Variants in SMAD5 observed in about 807,000 individuals in gnomAD.
SMAD5 encodes MAD, mothers against decapentaplegic homolog 5.
Under a neutral mutation model 43.1 loss-of-function variants are expected in SMAD5, and 9 were observed. The ratio of observed to expected loss-of-function variants is 0.21; its 90% CI spans 0.13 to 0.36. The LOEUF is 0.36. Among genes scored for constraint, SMAD5 ranks in the 10% least tolerant of loss-of-function variants. SMAD5 has a pLI of 1.00. For missense variants in SMAD5, 348 were observed against 574.0 expected, an observed-to-expected ratio of 0.61 and a Z score of 4.02; for synonymous variants, 190 against 192.4, an observed-to-expected ratio of 0.99 and a Z score of 0.10.
rs1174049192 is a variant in SMAD5 at position 136,172,678 on chromosome 5, T to C, written c.997+23T>C. On this transcript the variant is annotated intron_variant, in intron 6 of 7. Coordinates refer to ENST00000545279, the MANE Select transcript of SMAD5 (RefSeq NM_005903.7). The stretch of plus-strand genomic sequence containing the variant: ...AAGGTAATCTTGTCATTTTCCTACA[T>C]TTAATCGAATTCAATCATTTGTTGT... The C allele has an allele frequency of 4.2e-6, 6 of 1,420,530 alleles. No homozygotes were observed. The South Asian group carries it at 6.9e-5, about 16-fold the overall frequency. 88.0% of individuals were successfully genotyped at this position (1,420,530 alleles called of 1,614,324 possible). A position where few individuals can be genotyped will look rare whatever the true frequency, so the allele number is the denominator to read the frequency against.
intron 1 of SMAD5, among the ~76,000 whole-genome samples, chr5:136,137,862 A>G (rs1231535105): frequency 5.9e-5 from 9 of 152,238 alleles, no homozygotes. Flanking sequence ...CTGGGTGCAC[A>G]TGAGTTCTCT....
chr5:136,173,843 A>G (rs990751505), intron 6 of SMAD5, among the ~76,000 whole-genome samples: 4 of 151,630 alleles, frequency 2.6e-5, no homozygotes, highest in African/African-American at 9.7e-5. Flanking sequence ...CACATCTTGC[A>G]AAGGAACATA....
intron 1 of SMAD5, among the ~76,000 whole-genome samples, chr5:136,146,352 T>G (rs1158148545): frequency 6.6e-6 from 1 of 151,748 alleles, no homozygotes; most frequent in African/African-American, 2.4e-5. Flanking sequence ...CTGGAATAAG[T>G]GTAGAGGTGA....
intron 2 of SMAD5, among the ~76,000 whole-genome samples, chr5:136,149,341 G>A (rs1753372270): frequency 6.6e-6 from 1 of 151,744 alleles, no homozygotes; most frequent in Non-Finnish European, 1.5e-5. Context: ...ATATACCTAG[G>A]AATGGAATTT....
rs1240577368 is a variant in SMAD5, at chr5:136,163,388, A to G, written c.772A>G (p.Arg258Gly). 6.2e-7 allele frequency: 1 copy of G among 1,602,318 alleles called. No individual in the cohort carries two copies. The highest frequency in any genetic ancestry group is 1.3e-5 in the African/African-American group (1 of 74,618). The change falls in exon 5 of 8, where the codon AGG (arginine) becomes GGG (glycine). Residue 258 changes from arginine to glycine, a missense_variant. By Grantham distance (125) the Arg-to-Gly change is moderately radical. Around this residue, in one of 5 missense-constraint regions of SMAD5, gnomAD observed 185 missense variants for 207.0 expected, o/e 0.89. Coordinates refer to ENST00000545279, the MANE Select transcript of SMAD5 (RefSeq NM_005903.7). The part of the protein sequence containing the change: ...IPQIMPSISS[R>G]DVQPVAYEEP... Reference sequence around the variant, plus strand: ...TCAGATTATGCCCAGTATATCCAGCAGGGGTAAGAGAAGTACTCACTTCAT... The same window carrying G: ...TCAGATTATGCCCAGTATATCCAGCGGGGGTAAGAGAAGTACTCACTTCAT...
chr5:136,165,086 G>A (rs1753950354), intron 5 of SMAD5, among the ~76,000 whole-genome samples: 1 of 152,064 alleles, frequency 6.6e-6, no homozygotes, highest in African/African-American at 2.4e-5. Context: ...GATTGCTAAA[G>A]CTTTCCTATA....
intron 1 of SMAD5, among the ~76,000 whole-genome samples, chr5:136,142,820 A>T (rs543402064): frequency 6.6e-6 from 1 of 152,274 alleles, no homozygotes; most frequent in South Asian, 2.1e-4. Flanking sequence ...ATATAGGATA[A>T]AACTAAGTGA....
chr5:136,167,525 C>A (rs1162049613), intron 5 of SMAD5, among the ~76,000 whole-genome samples: 1 of 152,046 alleles, frequency 6.6e-6, no homozygotes, highest in Non-Finnish European at 1.5e-5. Context: ...CTCCTGTAAT[C>A]CCAGCACTTT....
rs540334497 is a variant in SMAD5, at chr5:136,178,707, A to G, written c.*1227A>G. The G allele has an allele frequency of 6.6e-6, 1 of 152,284 alleles. No individual in the cohort carries two copies. The highest frequency in any genetic ancestry group is 1.5e-5 in the Non-Finnish European group (1 of 68,028). The allele number at this position is 152,284 out of a possible 1,614,324, so 9.4% of individuals were successfully genotyped here. A position where few individuals can be genotyped will look rare whatever the true frequency, so the allele number is the denominator to read the frequency against. On this transcript the variant is annotated 3_prime_UTR_variant, in exon 8 of 8. Transcript: ENST00000545279. Reference sequence around the variant, plus strand: ...GGCTCTTCAGTTGGGCCCCAAGGATAAGGCTACTGATTTGATACTAAATGA... The same window carrying G: ...GGCTCTTCAGTTGGGCCCCAAGGATGAGGCTACTGATTTGATACTAAATGA...
Position 136,172,538 on chromosome 5 carries a change from G to C in SMAD5, c.880G>C (p.Val294Leu). The C allele has an allele frequency of 6.3e-7, 1 of 1,597,928 alleles. No homozygotes were observed. ...AGCTTTTCATGCATCTTCTACTAGT[G>C]TGTTAGTAGATGGATTCACAGATCC... ...GEAFHASSTS[V>L]LVDGFTDPSN... The change falls in exon 6 of 8, where the codon GTG becomes CTG. Residue 294 changes from valine (V) to leucine (L), a missense_variant. By Grantham distance (32) the Val-to-Leu change is conservative. This residue lies in a region of SMAD5 where 185 missense variants were observed against 207.0 expected (regional missense o/e 0.89). Coordinates refer to ENST00000545279, the MANE Select transcript of SMAD5 (RefSeq NM_005903.7).
chr5:136,175,369 T>G (rs1259039272), intron 7 of SMAD5, among the ~76,000 whole-genome samples: 1 of 152,230 alleles, frequency 6.6e-6, no homozygotes, highest in Non-Finnish European at 1.5e-5. Flanking sequence ...TTCATTAGGG[T>G]GACTTGGCAG....
intron 7 of SMAD5, among the ~76,000 whole-genome samples, chr5:136,174,866 TA>T (rs1754359677): frequency 6.6e-6 from 1 of 152,312 alleles, no homozygotes; most frequent in African/African-American, 2.4e-5. Flanking sequence ...TGATATTGAA[TA>T]GGGGCTGAGA....
intron 2 of SMAD5, 108 bp from the exon 3 acceptor site, chr5:136,153,484 A>G (rs1753534130): frequency 7.7e-6 from 2 of 260,410 alleles, no homozygotes; most frequent in Admixed American, 4.8e-5. Context: ...TTACTTTGTA[A>G]TGCTTTTCTG....
chr5:136,177,684 T>C lies in SMAD5; in HGVS notation c.*204T>C. Reference sequence around the variant, plus strand: ...TCATGTGATTAACTCTTAGAAGTGTTGTAAAAGATGCAGAGTAAGTATTAT... The same window carrying C: ...TCATGTGATTAACTCTTAGAAGTGTCGTAAAAGATGCAGAGTAAGTATTAT... On this transcript the variant is annotated 3_prime_UTR_variant, in exon 8 of 8. Coordinates refer to ENST00000545279, the MANE Select transcript of SMAD5 (RefSeq NM_005903.7). 3 of 467,482 alleles carry C rather than the reference T, an allele frequency of 6.4e-6. No individual in the cohort carries two copies. The highest frequency in any genetic ancestry group is 1.1e-5 in the Non-Finnish European group (3 of 267,928). 29.0% of individuals were successfully genotyped at this position (467,482 alleles called of 1,614,324 possible).
intron 4 of SMAD5, among the ~76,000 whole-genome samples, 196 bp downstream of exon 4, chr5:136,161,303 G>A (rs1017335645): frequency 6.6e-6 from 1 of 152,098 alleles, no homozygotes; most frequent in African/African-American, 2.4e-5. Context: ...TTTAAAAAAT[G>A]GAAGTAGCCC....
At chr5:136,154,263 G>T in intron 3 of SMAD5, 100 bp downstream of exon 3, 1 of 741,054 alleles carries the variant, frequency 1.3e-6, no homozygotes. Context: ...GGTTGTATTA[G>T]CTTTGTGTTT....
intron 2 of SMAD5, among the ~76,000 whole-genome samples, chr5:136,148,978 A>G (rs917615959): frequency 5.3e-5 from 8 of 151,862 alleles, no homozygotes; most frequent in African/African-American, 1.9e-4. Context: ...CATCCATGTC[A>G]TCATCACCCA....
chr5:136,136,179 C>T (rs1229669017), intron 1 of SMAD5, among the ~76,000 whole-genome samples: 1 of 152,128 alleles, frequency 6.6e-6, no homozygotes, highest in Non-Finnish European at 1.5e-5. Flanking sequence ...TGGAAGCTGA[C>T]CCATGGCATC....
At position 136,153,657 on chromosome 5, in the gene SMAD5, TG is replaced by T; in HGVS notation, c.-102del. The stretch of plus-strand genomic sequence containing the variant: ...TAAATGTTACTCCTCCCTTTTTAAT[TG>T]GAACTTCTGCTTAGGACCTGTGTAT... On this transcript the variant is annotated 5_prime_UTR_variant, in exon 3 of 8. The change creates a premature stop within an existing upstream ORF in the 5' untranslated region. Coordinates refer to ENST00000545279, the MANE Select transcript of SMAD5 (RefSeq NM_005903.7). The T allele has an allele frequency of 1.1e-6, 1 of 888,030 alleles. No individual in the cohort carries two copies. The highest frequency in any genetic ancestry group is 1.7e-6 in the Non-Finnish European group (1 of 584,410). The allele number at this position is 888,030 out of a possible 1,614,324, so 55.0% of individuals were successfully genotyped here. A position where few individuals can be genotyped will look rare whatever the true frequency, so the allele number is the denominator to read the frequency against.
Sources: allele counts gnomAD v4.1 joint callset (sites outside exome capture counted in the v4.1 genomes callset), GRCh38; gene constraint gnomAD v4.1.1; regional missense constraint gnomAD v4.1.1; transcripts MANE v1.5; gene names NCBI Gene and HGNC (gene_info 2026-07-23, HGNC 2026-07-21).